Variants in CNTNAP5 observed in about 807,000 individuals in gnomAD.
The protein encoded by CNTNAP5 is contactin-associated protein-like 5.
CNTNAP5 carries 72 observed loss-of-function variants against 150.2 expected under a neutral mutation model. The ratio of observed to expected loss-of-function variants is 0.48; its 90% CI spans 0.40 to 0.58. The LOEUF (loss-of-function observed/expected upper bound fraction) is 0.58, where lower values mean the gene tolerates loss of function less well. CNTNAP5 is among the 20% of genes least tolerant of loss of function. The pLI is 0.00. For missense variants in CNTNAP5, 1,636 were observed against 1,626.2 expected, an observed-to-expected ratio of 1.01 and a Z score of -0.10; for synonymous variants, 672 against 619.8, an observed-to-expected ratio of 1.08 and a Z score of -1.25.
intron 1 of CNTNAP5, among the ~76,000 whole-genome samples, chr2:124,116,347 A>G (rs1214351275): frequency 6.6e-6 from 1 of 152,176 alleles, no homozygotes; most frequent in African/African-American, 2.4e-5. Flanking sequence ...ATGACCTATT[A>G]CTTTCTGTAG....
In CNTNAP5 at chr2:124,404,023, G is replaced by A. The variant is rs141686450; in HGVS notation, c.382-13420G>A. On this transcript the variant is annotated intron_variant, in intron 3 of 23. Transcript: ENST00000682447. ...CTGGGTCCCTCTCATGACAGGTGGG[G>A]GTTATGGGAGCAACATTTCAAGATG... is the stretch of plus-strand genomic sequence containing the variant. Among the ~76,000 whole-genome samples the A allele has an allele frequency of 3.3e-5, 5 of 152,282 alleles. No individual in the cohort carries two copies. In the East Asian group the frequency reaches 9.7e-4, roughly 29 times the overall value.
intron 11 of CNTNAP5, among the ~76,000 whole-genome samples, chr2:124,608,405 G>A (rs1484949803): frequency 6.6e-6 from 1 of 152,048 alleles, no homozygotes; most frequent in Non-Finnish European, 1.5e-5. Flanking sequence ...ATTTATCAAA[G>A]CTCCCTATCT....
chr2:124,128,413 C>T lies in CNTNAP5; in HGVS notation c.83-93292C>T, dbSNP rs183324621. Among the ~76,000 whole-genome samples, 297 of 152,158 alleles carry T rather than the reference C, an allele frequency of 2.0e-3. 1 individual carries two copies. The highest frequency in any genetic ancestry group is 2.8e-3 in the Non-Finnish European group (188 of 67,992). On this transcript the variant is annotated intron_variant, in intron 1 of 23. Coordinates refer to ENST00000682447, the MANE Select transcript of CNTNAP5 (RefSeq NM_001367498.1). ...CCATCATTAAAAAGTCAGGAAAGAA[C>T]AATGCTGGAGAGGATATGGAGAAAT...
chr2:124,759,318 A>T (rs1017254777), intron 14 of CNTNAP5, among the ~76,000 whole-genome samples: 5 of 148,164 alleles, frequency 3.4e-5, no homozygotes, highest in African/African-American at 4.9e-5. Context: ...GAAATGTATA[A>T]ATATATTTCT....
intron 3 of CNTNAP5, among the ~76,000 whole-genome samples, chr2:124,322,898 G>A (rs1479464188): frequency 6.6e-6 from 1 of 152,086 alleles, no homozygotes; most frequent in East Asian, 1.9e-4. Context: ...AACATTAGCT[G>A]AGCATCTAAC....
intron 1 of CNTNAP5, among the ~76,000 whole-genome samples, chr2:124,209,309 C>G (rs1558802065): frequency 6.6e-6 from 1 of 152,194 alleles, no homozygotes; most frequent in Non-Finnish European, 1.5e-5. Flanking sequence ...CCAGTTAATA[C>G]TCTTATGACC....
At chr2:124,754,801 C>T (rs905771404) in intron 14 of CNTNAP5, among the ~76,000 whole-genome samples, 2 of 151,990 alleles carry the variant, frequency 1.3e-5, no homozygotes, top group African/African-American at 4.8e-5. Flanking sequence ...AATCCTCACG[C>T]GTCGAACTCT....
intron 14 of CNTNAP5, among the ~76,000 whole-genome samples, chr2:124,758,760 G>A (rs2105159039): frequency 6.6e-6 from 1 of 152,130 alleles, no homozygotes; most frequent in South Asian, 2.1e-4. Flanking sequence ...AGTGGGAGAA[G>A]TTGAAGGTAC....
At chr2:124,554,214 C>T (rs1695699369) in intron 10 of CNTNAP5, among the ~76,000 whole-genome samples, 2 of 151,798 alleles carry the variant, frequency 1.3e-5, no homozygotes, top group Admixed American at 6.6e-5. Flanking sequence ...TATTTAAGTA[C>T]CTTCAAATAC....
chr2:124,879,094 A>G (rs969328839), intron 21 of CNTNAP5, among the ~76,000 whole-genome samples: 11 of 152,040 alleles, frequency 7.2e-5, no homozygotes, highest in African/African-American at 2.7e-4. Context: ...GGTTATAATC[A>G]TGTTATACTT....
chr2:124,740,575 A>G (rs566706967), intron 13 of CNTNAP5, among the ~76,000 whole-genome samples: 1 of 152,278 alleles, frequency 6.6e-6, no homozygotes, highest in East Asian at 1.9e-4. Context: ...GCGGTTTCTA[A>G]CCATATTGCA....
intron 13 of CNTNAP5, among the ~76,000 whole-genome samples, chr2:124,679,142 G>C (rs1342580564): frequency 2.0e-5 from 3 of 151,822 alleles, no homozygotes; most frequent in Non-Finnish European, 4.4e-5. Flanking sequence ...AAGGCAGAGA[G>C]GTATGCAGCA....
At chr2:124,158,899 G>A (rs537568371) in intron 1 of CNTNAP5, among the ~76,000 whole-genome samples, 1 of 152,294 alleles carries the variant, frequency 6.6e-6, no homozygotes, top group South Asian at 2.1e-4. Context: ...GGCCAGTGGA[G>A]TGCTTCACAA....
Position 124,430,853 on chromosome 2 carries a change from G to A in CNTNAP5, c.530-3631G>A, listed in dbSNP as rs556125605. ...ACCAAGTTCTTGATAGCATCTTTAT[G>A]CTGTGCTTGAAAATCTTCACTACTG... On this transcript the variant is annotated intron_variant, in intron 4 of 23. Transcript: ENST00000682447. Among the ~76,000 whole-genome samples, 8 of 152,272 alleles carry A rather than the reference G, an allele frequency of 5.3e-5. No individual in the cohort carries two copies. The South Asian group carries it at 1.7e-3, about 32-fold the overall frequency.
chr2:124,740,661 G>C (rs1331280830), intron 13 of CNTNAP5, among the ~76,000 whole-genome samples: 1 of 152,132 alleles, frequency 6.6e-6, no homozygotes, highest in African/African-American at 2.4e-5. Context: ...ATTTTCACGT[G>C]ATTTATACCT....
At chr2:124,338,078 T>C (rs1689522054) in intron 3 of CNTNAP5, among the ~76,000 whole-genome samples, 1 of 152,092 alleles carries the variant, frequency 6.6e-6, no homozygotes, top group African/African-American at 2.4e-5. Context: ...AAGAGGTCCT[T>C]CACATCCCTT....
At chr2:124,460,345 T>C (rs1693216933) in intron 6 of CNTNAP5, among the ~76,000 whole-genome samples, 1 of 152,178 alleles carries the variant, frequency 6.6e-6, no homozygotes. Flanking sequence ...AAGAAGAAAC[T>C]GAGGCAGTAG....
chr2:124,460,545 T>G (rs1350587926), intron 6 of CNTNAP5, among the ~76,000 whole-genome samples: 1 of 152,204 alleles, frequency 6.6e-6, no homozygotes. Flanking sequence ...TCATAAAGGT[T>G]GAGATTTTCT....
intron 3 of CNTNAP5, among the ~76,000 whole-genome samples, chr2:124,385,395 C>A (rs978440910): frequency 1.3e-5 from 2 of 152,144 alleles, no homozygotes; most frequent in African/African-American, 4.8e-5. Flanking sequence ...GATATACATG[C>A]CTATTATCTC....
Sources: allele counts gnomAD v4.1 joint callset (sites outside exome capture counted in the v4.1 genomes callset), GRCh38; gene constraint gnomAD v4.1.1; transcripts MANE v1.5; gene names NCBI Gene and HGNC (gene_info 2026-07-23, HGNC 2026-07-21).